The following CCDC60 variants were observed in gnomAD, a reference collection of about 807,000 sequenced individuals.
CCDC60 encodes coiled-coil domain containing 60.
CCDC60 carries 54 observed loss-of-function variants against 63.5 expected under a neutral mutation model. That is an observed-to-expected ratio of 0.85 (90% confidence interval 0.68 to 1.07). The LOEUF is 1.07. CCDC60 is among the 50% of genes least tolerant of loss of function. The probability of loss-of-function intolerance (pLI) is 0.00; values close to 1 mark genes in which losing one functional copy is unlikely to be tolerated. For missense variants in CCDC60, 651 were observed against 684.3 expected (o/e 0.95, Z 0.54); for synonymous variants, 206 against 238.8 (o/e 0.86, Z 1.27).
Position 119,520,130 on chromosome 12 carries a change from A to T in CCDC60, c.978A>T (p.Ser326=). ...TCATTTTGCCTTGCAGCATCTTGTC[A>T]GTGCTGAAACAAAACAAGAGTAATT... is the stretch of plus-strand genomic sequence containing the variant. The part of the protein sequence containing the change: ...GMQRKAPSIL[S]VLKQNKSNSA... The change falls in exon 9 of 14, where the codon TCA becomes TCT. Residue 326 remains serine (S), a synonymous_variant. Coordinates refer to ENST00000327554, the MANE Select transcript of CCDC60 (RefSeq NM_178499.5). 1 of 1,613,834 alleles carries T rather than the reference A, an allele frequency of 6.2e-7. No individual in the cohort carries two copies.
At chr12:119,336,872 A>G (rs187309734) in intron 1 of CCDC60, among the ~76,000 whole-genome samples, 25 of 152,356 alleles carry the variant, frequency 1.6e-4, no homozygotes, top group African/African-American at 4.3e-4. Flanking sequence ...TTTTTAAATG[A>G]TCATAACTGG....
At chr12:119,369,927 C>T (rs1955881121) in intron 1 of CCDC60, among the ~76,000 whole-genome samples, 1 of 152,134 alleles carries the variant, frequency 6.6e-6, no homozygotes, top group Non-Finnish European at 1.5e-5. Flanking sequence ...GCCTTTCAAT[C>T]CACCACCTAA....
intron 8 of CCDC60, 117 bp from the exon 9 acceptor site, chr12:119,520,004 A>G (rs1385437496): frequency 2.4e-6 from 2 of 840,634 alleles, no homozygotes; most frequent in Non-Finnish European, 3.9e-6. Context: ...TGCTGTGCTC[A>G]GTAGAGTCTG....
intron 11 of CCDC60, among the ~76,000 whole-genome samples, chr12:119,527,493 C>T (rs1268463707): frequency 6.6e-6 from 1 of 151,872 alleles, no homozygotes; most frequent in Non-Finnish European, 1.5e-5. Flanking sequence ...TCCCAGAAGT[C>T]AGAGGGGCAC....
chr12:119,481,532 A>G (rs548980434), intron 4 of CCDC60, among the ~76,000 whole-genome samples: 2 of 152,300 alleles, frequency 1.3e-5, no homozygotes, highest in East Asian at 3.9e-4. Context: ...TCTTCTGTCA[A>G]TGTCAGATGG....
intron 2 of CCDC60, among the ~76,000 whole-genome samples, chr12:119,447,253 A>G (rs1489118744): frequency 6.6e-6 from 1 of 152,114 alleles, no homozygotes; most frequent in Non-Finnish European, 1.5e-5. Context: ...TCAAGTTGTA[A>G]ACTCAAAAGG....
chr12:119,398,859 C>T (rs1956334958), intron 1 of CCDC60, among the ~76,000 whole-genome samples: 1 of 152,144 alleles, frequency 6.6e-6, no homozygotes, highest in Non-Finnish European at 1.5e-5. Flanking sequence ...TCTTAACAGA[C>T]AACATTTATT....
chr12:119,439,233 G>A (rs929912262), intron 2 of CCDC60, among the ~76,000 whole-genome samples: 3 of 149,144 alleles, frequency 2.0e-5, no homozygotes, highest in African/African-American at 7.4e-5. Flanking sequence ...GTCCTTAGGT[G>A]AATTTATTCT....
At chr12:119,467,097 G>T in intron 2 of CCDC60, among the ~76,000 whole-genome samples, 1 of 152,328 alleles carries the variant, frequency 6.6e-6, no homozygotes, top group Non-Finnish European at 1.5e-5. Context: ...CTGCAAAACT[G>T]CCCTGAGCTG....
chr12:119,361,005 G>T (rs538142579), intron 1 of CCDC60, among the ~76,000 whole-genome samples: 2 of 151,934 alleles, frequency 1.3e-5, no homozygotes, highest in South Asian at 4.2e-4. Flanking sequence ...GCGTGGCGGC[G>T]TGCGCCTGCA....
chr12:119,477,251 A>C (rs61938115), intron 3 of CCDC60, among the ~76,000 whole-genome samples: 8,796 of 152,308 alleles, frequency 0.058, 325 homozygotes, highest in Non-Finnish European at 0.085. Flanking sequence ...ATGACTTCTG[A>C]CATATTCTGT....
chr12:119,426,773 C>A (rs1014243604), intron 1 of CCDC60, among the ~76,000 whole-genome samples: 1 of 152,158 alleles, frequency 6.6e-6, no homozygotes, highest in African/African-American at 2.4e-5. Context: ...TTGGCCAACC[C>A]AGGAGAAAAA....
At chr12:119,375,064 C>T (rs1365838626) in intron 1 of CCDC60, among the ~76,000 whole-genome samples, 1 of 152,122 alleles carries the variant, frequency 6.6e-6, no homozygotes, top group Non-Finnish European at 1.5e-5. Context: ...CTTTCTGTGA[C>T]TAGGAATGCC....
chr12:119,434,966 T>C (rs1201224108), intron 2 of CCDC60, among the ~76,000 whole-genome samples: 1 of 152,136 alleles, frequency 6.6e-6, no homozygotes, highest in Non-Finnish European at 1.5e-5. Context: ...GAGCATCACA[T>C]CCACTGCATA....
In CCDC60 at chr12:119,523,728, G is replaced by C. The variant is rs1439132440; in HGVS notation, c.1139G>C (p.Ser380Thr). 6.2e-7 allele frequency: 1 copy of C among 1,614,072 alleles called. No individual in the cohort carries two copies. The highest frequency in any genetic ancestry group is 8.5e-7 in the Non-Finnish European group (1 of 1,180,030). ...TNCDINIHYK[S>T]GVCNTMRAKF... is the part of the protein sequence containing the mutation. ...TGTGACATCAACATCCACTACAAGAGTGGGGTGTGTAACACCATGAGGGCC... is the reference window on the plus strand; with the variant it reads ...TGTGACATCAACATCCACTACAAGACTGGGGTGTGTAACACCATGAGGGCC... The change falls in exon 11 of 14, where the codon AGT becomes ACT. Residue 380 changes from serine (S) to threonine (T), a missense_variant. Physicochemically the swap from Ser to Thr is moderately conservative, Grantham distance 58 (BLOSUM62 1). Coordinates refer to ENST00000327554, the MANE Select transcript of CCDC60 (RefSeq NM_178499.5).
At chr12:119,355,568 G>A (rs923555504) in intron 1 of CCDC60, among the ~76,000 whole-genome samples, 11 of 152,210 alleles carry the variant, frequency 7.2e-5, no homozygotes, top group Non-Finnish European at 7.3e-5. Flanking sequence ...GGCTTAGCCC[G>A]GGAGGGTTCT....
Position 119,397,016 on chromosome 12 carries a change from G to C in CCDC60, c.91-31667G>C, listed in dbSNP as rs138595326. On this transcript the variant is annotated intron_variant, in intron 1 of 13. Transcript: ENST00000327554. ...GTTCGTGGTCTCGCTGGCTTCAGGA[G>C]TGAAGCTGCAGACCTTCACAGTGCA... Among the ~76,000 whole-genome samples the C allele has an allele frequency of 8.3e-4, 126 of 152,310 alleles. 2 individuals are homozygous for C. In the East Asian group the frequency reaches 0.02, roughly 24 times the overall value.
chr12:119,477,497 C>A (rs536734683), intron 3 of CCDC60, among the ~76,000 whole-genome samples: 30 of 152,314 alleles, frequency 2.0e-4, no homozygotes, highest in African/African-American at 6.0e-4. Flanking sequence ...GACTCAGCTT[C>A]GGAAGAGGAG....
At chr12:119,409,384 A>AC (rs1956552381) in intron 1 of CCDC60, among the ~76,000 whole-genome samples, 1 of 151,842 alleles carries the variant, frequency 6.6e-6, no homozygotes, top group African/African-American at 2.4e-5. Flanking sequence ...TAGATGCACC[A>AC]CCCCCCAACC....
Sources: allele counts gnomAD v4.1 joint callset (sites outside exome capture counted in the v4.1 genomes callset), GRCh38; gene constraint gnomAD v4.1.1; transcripts MANE v1.5; gene names NCBI Gene and HGNC (gene_info 2026-07-23, HGNC 2026-07-21).